Variants in HNRNPUL1 observed in about 807,000 individuals in gnomAD.
HNRNPUL1 encodes the protein heterogeneous nuclear ribonucleoprotein U-like protein 1.
Under a neutral mutation model 108.5 loss-of-function variants are expected in HNRNPUL1, and 14 were observed. The ratio of observed to expected loss-of-function variants is 0.13; its 90% confidence interval spans 0.09 to 0.20. The LOEUF (loss-of-function observed/expected upper bound fraction) is 0.20. Among genes scored for constraint, HNRNPUL1 ranks in the 10% least tolerant of loss-of-function variants. The pLI, the probability that HNRNPUL1 is intolerant of heterozygous loss-of-function variation, is 1.00. For missense variants in HNRNPUL1, 804 were observed against 1,168.3 expected (o/e 0.69, Z 4.55); for synonymous variants, 422 against 445.2 (o/e 0.95, Z 0.66).
At chr19:41,284,573 C>T (rs774551697) in intron 7 of HNRNPUL1, among the ~76,000 whole-genome samples, 2 of 151,954 alleles carry the variant, frequency 1.3e-5, no homozygotes, top group African/African-American at 2.4e-5. Flanking sequence ...GGCTGAGGAT[C>T]GCTTGAGCCC....
intron 12 of HNRNPUL1, 55 bp from the exon 13 acceptor site, chr19:41,303,917 C>T (rs1388110756): frequency 5.7e-6 from 9 of 1,565,338 alleles, no homozygotes; most frequent in Middle Eastern, 1.7e-4. Context: ...ACCCAGTTCC[C>T]TGGGGTTGCC....
intron 1 of HNRNPUL1, chr19:41,265,170 A>G (rs2034744767): frequency 1.4e-6 from 2 of 1,440,938 alleles, no homozygotes; most frequent in East Asian, 2.8e-5. Context: ...ATCCTAGGGT[A>G]CGGAGCTCCG....
chr19:41,302,463 C>T (rs530434277), intron 11 of HNRNPUL1: 74 of 668,516 alleles, frequency 1.1e-4, no homozygotes, highest in South Asian at 1.1e-3. Flanking sequence ...AGGTGATCCA[C>T]CCGCCTCGGC....
Position 41,284,877 on chromosome 19 carries a change from T to A in HNRNPUL1, c.999+3602T>A, listed in dbSNP as rs1447553494. On this transcript the variant is annotated intron_variant, in intron 7 of 14. Coordinates refer to ENST00000392006, the MANE Select transcript of HNRNPUL1 (RefSeq NM_007040.6). ...CGGGCGTGGTGGCCAGCGCCTGTAG[T>A]CCCAGCTACTCGGGAGGCTGAGGCA... Among the ~76,000 whole-genome samples, 3 of 151,718 alleles carry A rather than the reference T, an allele frequency of 2.0e-5. No individual in the cohort carries two copies. In the East Asian group the frequency reaches 5.9e-4, roughly 30 times the overall value.
rs763871796 is a variant in HNRNPUL1 at position 41,292,481 on chromosome 19, C to G, written c.1236C>G (p.Thr412=). The G allele has an allele frequency of 6.2e-7, 1 of 1,612,836 alleles. No homozygotes were observed. The highest frequency in any genetic ancestry group is 1.6e-4 in the Middle Eastern group (1 of 6,062). ...HLPLSERIRG[T]VGPKSKAECE... ...CCCTTAGTGAGCGTATCCGGGGCACCGTTGGACCAAAGAGCAAGGCAGAAT... is the reference window on the plus strand; with the variant it reads ...CCCTTAGTGAGCGTATCCGGGGCACGGTTGGACCAAAGAGCAAGGCAGAAT... The change falls in exon 8 of 15, where the codon ACC becomes ACG. Residue 412 remains threonine (T), a synonymous_variant. Transcript: ENST00000392006. The surrounding 1 kb of genome is among the most constrained non-coding windows in gnomAD (Gnocchi z 4.1).
At chr19:41,274,158 T>A (rs917125443) in intron 4 of HNRNPUL1, 103 bp downstream of exon 4, 1 of 934,048 alleles carries the variant, frequency 1.1e-6, no homozygotes, top group Non-Finnish European at 1.7e-6. Flanking sequence ...TCCAAAGACA[T>A]TGTTAGTCCA....
At position 41,294,093 on chromosome 19, in the gene HNRNPUL1, G is replaced by C. The variant is rs569346568; in HGVS notation, c.1267-245G>C. On this transcript the variant is annotated intron_variant, in intron 8 of 14. Coordinates refer to ENST00000392006, the MANE Select transcript of HNRNPUL1 (RefSeq NM_007040.6). The surrounding 1 kb of genome is among the most constrained non-coding windows in gnomAD (Gnocchi z 4.3). ...CCCCGAAAGTCCTGGGATTATAGGCGTGAGCTACCGTGCCTGGCCAGCACT... is the reference window on the plus strand; with the variant it reads ...CCCCGAAAGTCCTGGGATTATAGGCCTGAGCTACCGTGCCTGGCCAGCACT... Among the ~76,000 whole-genome samples the C allele has an allele frequency of 1.4e-4, 21 of 152,116 alleles. No individual in the cohort carries two copies. In the East Asian group the frequency reaches 3.7e-3, roughly 27 times the overall value.
chr19:41,284,252 C>T (rs1285813976), intron 7 of HNRNPUL1, among the ~76,000 whole-genome samples: 1 of 152,118 alleles, frequency 6.6e-6, no homozygotes, highest in Non-Finnish European at 1.5e-5. Flanking sequence ...CTGTAGTTGC[C>T]TGCCATTTCA....
chr19:41,274,742 A>G (rs1465359114), intron 4 of HNRNPUL1, among the ~76,000 whole-genome samples: 2 of 152,244 alleles, frequency 1.3e-5, no homozygotes, highest in Non-Finnish European at 2.9e-5. Flanking sequence ...TTCTCAACAG[A>G]GCAGAAGATA....
At chr19:41,274,126 C>T in intron 4 of HNRNPUL1, 71 bp downstream of exon 4, 1 of 1,241,818 alleles carries the variant, frequency 8.1e-7, no homozygotes, top group South Asian at 1.2e-5. Context: ...TTGACCTTCA[C>T]CAGAATCCCT....
intron 3 of HNRNPUL1, 53 bp from the exon 4 acceptor site, chr19:41,273,929 C>T: frequency 7.2e-7 from 1 of 1,385,910 alleles, no homozygotes. Context: ...CATTTTCTTT[C>T]CTTTGTGCTC....
chr19:41,279,222 C>T (rs1452290570), intron 6 of HNRNPUL1, 46 bp downstream of exon 6: 1 of 1,341,386 alleles, frequency 7.5e-7, no homozygotes, highest in Non-Finnish European at 1.1e-6. Context: ...AGTGACTGTC[C>T]CTACCCTTGG....
chr19:41,291,075 A>G (rs2036549798), intron 7 of HNRNPUL1, among the ~76,000 whole-genome samples: 1 of 152,170 alleles, frequency 6.6e-6, no homozygotes, highest in South Asian at 2.1e-4. Flanking sequence ...CTTAATTACT[A>G]ACTTTAGCAA....
At chr19:41,273,900 T>C (rs569435190) in intron 3 of HNRNPUL1, 82 bp from the exon 4 acceptor site, 6 of 1,165,176 alleles carry the variant, frequency 5.1e-6, no homozygotes, top group Non-Finnish European at 7.6e-6. Context: ...AGGCCACTCA[T>C]AGATTACAGC....
intron 7 of HNRNPUL1, among the ~76,000 whole-genome samples, chr19:41,290,345 A>T (rs1031132933): frequency 6.6e-6 from 1 of 152,082 alleles, no homozygotes; most frequent in Non-Finnish European, 1.5e-5. Context: ...AAACACTAAG[A>T]AAAAAAAGAG....
chr19:41,264,873 A>G, intron 1 of HNRNPUL1, 75 bp downstream of exon 1: 2 of 1,343,780 alleles, frequency 1.5e-6, no homozygotes, highest in African/African-American at 1.5e-5. Context: ...GCGGGAGTCC[A>G]GCGCCTGAGG....
chr19:41,272,091 CAG>C lies in HNRNPUL1; in HGVS notation c.432_433del (p.Glu144AspfsTer13). On this transcript the variant is annotated frameshift_variant, in exon 3 of 15. Coordinates refer to ENST00000392006, the MANE Select transcript of HNRNPUL1 (RefSeq NM_007040.6). LOFTEE classifies it high-confidence loss of function. ...TTTGTCTTGACAATAGAAATGAAGA[CAG>C]AGATGAAGCAAGGAGCACCCACCAG... is the stretch of plus-strand genomic sequence containing the variant. 1 of 1,613,820 alleles carries C rather than the reference CAG, an allele frequency of 6.2e-7. No homozygotes were observed. Among genetic ancestry groups the C allele is most frequent in the Non-Finnish European group, 8.5e-7 (1 of 1,179,916 alleles).
intron 5 of HNRNPUL1, among the ~76,000 whole-genome samples, chr19:41,278,082 A>G (rs1384171619): frequency 1.3e-5 from 2 of 151,056 alleles, no homozygotes; most frequent in Non-Finnish European, 2.9e-5. Flanking sequence ...TGTTTTGTTG[A>G]CGGAGTTTCA....
intron 5 of HNRNPUL1, chr19:41,276,746 A>G (rs1261856208): frequency 1.3e-5 from 2 of 155,320 alleles, no homozygotes; most frequent in Non-Finnish European, 2.9e-5. Flanking sequence ...ATGTTTATGA[A>G]AATAATAGAT....
Sources: gnomAD v4.1 joint callset for allele counts (sites outside exome capture counted in the v4.1 genomes callset) on GRCh38, gnomAD v4.1.1 for gene constraint, Gnocchi (gnomAD v3.1) non-coding constraint, MANE v1.5 for transcripts, NCBI Gene and HGNC (gene_info 2026-07-23, HGNC 2026-07-21) for gene names.